The following SASH1 variants were observed in gnomAD, a reference collection of about 807,000 sequenced individuals.
The protein encoded by SASH1 is SAM and SH3 domain-containing protein 1.
SASH1 carries 44 observed loss-of-function variants against 125.2 expected under a neutral mutation model. The ratio of observed to expected loss-of-function variants is 0.35; its 90% confidence interval spans 0.28 to 0.45. The LOEUF is 0.45. Among genes scored for constraint, SASH1 ranks in the 20% least tolerant of loss-of-function variants. The pLI is 1.00. For missense variants in SASH1, 1,426 were observed against 1,614.5 expected (o/e 0.88, Z 2.00); for synonymous variants, 639 against 649.1 (o/e 0.98, Z 0.24).
rs140822511 is a variant in SASH1, at chr6:148,551,626, A to C, written c.*3068A>C. On this transcript the variant is annotated 3_prime_UTR_variant, in exon 20 of 20. Transcript: ENST00000367467. ...TTCATAACTGCAGCAAAAAAGGTCA[A>C]CTTGCCAAGTCACTGCTGCCATGTG... The C allele has an allele frequency of 6.6e-6, 1 of 152,454 alleles. No individual in the cohort carries two copies. Among genetic ancestry groups the C allele is most frequent in the South Asian group, 2.1e-4 (1 of 4,828 alleles). 9.4% of individuals were successfully genotyped at this position (152,454 alleles called of 1,614,324 possible). A position where few individuals can be genotyped will look rare whatever the true frequency, so the allele number is the denominator to read the frequency against.
intron 4 of SASH1, among the ~76,000 whole-genome samples, chr6:148,456,821 C>T (rs1328346356): frequency 6.6e-6 from 1 of 151,238 alleles, no homozygotes. Context: ...GCTATAATCA[C>T]ATCACTTCAT....
chr6:148,329,190 C>G (rs78155227), intron 1 of SASH1, among the ~76,000 whole-genome samples: 5,071 of 152,232 alleles, frequency 0.033, 137 homozygotes, highest in South Asian at 0.078. Flanking sequence ...TGAGAACATT[C>G]ATTAGATAGC....
intron 5 of SASH1, 24 bp from the exon 6 acceptor site, chr6:148,471,383 GTTCTTTTTTT>G (rs752500274): frequency 1.4e-6 from 1 of 736,272 alleles, no homozygotes; most frequent in South Asian, 2.7e-5. Context: ...TGTGCTTTTT[GTTCTTTTTTT>G]TTTTTTTTTT....
In SASH1 at chr6:148,544,552, A is replaced by G. The variant is rs774701596; in HGVS notation, c.3082A>G (p.Ser1028Gly). The G allele has an allele frequency of 1.2e-6, 2 of 1,613,150 alleles. No individual in the cohort carries two copies. Among genetic ancestry groups the G allele is most frequent in the South Asian group, 2.2e-5 (2 of 91,070 alleles). ...GCCAGTGAAAAGGGGCAGCCCCGCC[A>G]GCCCCACCAGCCCTAGCGACTGTCC... The part of the protein sequence containing the change: ...CLPVKRGSPA[S>G]PTSPSDCPPA... The change falls in exon 18 of 20, where the codon AGC becomes GGC. Residue 1028 changes from serine (S) to glycine (G), a missense_variant. Ser to Gly is a moderately conservative substitution (Grantham distance 56). This residue lies in a region of SASH1 where 634 missense variants were observed against 694.4 expected (regional missense o/e 0.91). Transcript: ENST00000367467. This position sits in a 1 kb window ranked among gnomAD's most constrained non-coding sequence, Gnocchi z 6.4.
At chr6:148,404,849 G>A (rs1784314701) in intron 2 of SASH1, among the ~76,000 whole-genome samples, 1 of 140,556 alleles carries the variant, frequency 7.1e-6, no homozygotes, top group Non-Finnish European at 1.5e-5. Flanking sequence ...TGGCCTTTCT[G>A]TTCATCTGAT....
intron 1 of SASH1, among the ~76,000 whole-genome samples, chr6:148,361,987 C>T (rs1782239199): frequency 6.8e-6 from 1 of 148,020 alleles, no homozygotes; most frequent in South Asian, 2.2e-4. Flanking sequence ...GATCTCGGCT[C>T]ACTGCAAGCT....
At chr6:148,283,008 A>G (rs1779384986) in intron 1 of SASH1, among the ~76,000 whole-genome samples, 1 of 152,194 alleles carries the variant, frequency 6.6e-6, no homozygotes, top group Non-Finnish European at 1.5e-5. Context: ...ATGTATCCCA[A>G]GGAGGAGACC....
intron 1 of SASH1, among the ~76,000 whole-genome samples, chr6:148,325,256 C>G (rs1488237526): frequency 1.5e-5 from 1 of 64,626 alleles, no homozygotes; most frequent in African/African-American, 4.9e-5. Context: ...AGGGGAAAAG[C>G]CTCTTTTGTT....
chr6:148,230,015 A>C, the SASH1 span, among the ~76,000 whole-genome samples: 1 of 152,094 alleles, frequency 6.6e-6, no homozygotes, highest in African/African-American at 2.4e-5. Context: ...CCTGGCCAGC[A>C]CTTTTATCAT....
intron 1 of SASH1, among the ~76,000 whole-genome samples, chr6:148,370,285 T>A (rs1782659132): frequency 6.6e-6 from 1 of 152,140 alleles, no homozygotes; most frequent in South Asian, 2.1e-4. Flanking sequence ...TAATTAACTA[T>A]CACTGGAGAT....
chr6:148,343,165 C>G lies in SASH1; in HGVS notation c.98C>G (p.Pro33Arg). Residue 33 changes from proline to arginine, a missense_variant, in exon 1 of 20, where the codon CCG (proline) becomes CGG (arginine). Pro to Arg is a moderately radical substitution (Grantham distance 103, BLOSUM62 -2). Coordinates refer to ENST00000367467, the MANE Select transcript of SASH1 (RefSeq NM_015278.5). ...CCGGAGCCGGAACCGGAGCCCAAGC[C>G]GGGTGCTGGCACATCCGAGGCGTTC... ...PAPEPEPEPK[P>R]GAGTSEAFSR... The G allele has an allele frequency of 1.2e-6, 2 of 1,600,366 alleles. No individual in the cohort carries two copies. The highest frequency in any genetic ancestry group is 1.7e-6 in the Non-Finnish European group (2 of 1,179,278).
rs570246204 is a variant in SASH1, at chr6:148,532,839, G to A, written c.1607G>A (p.Arg536Gln). 3.2e-5 allele frequency: 52 copies of A among 1,614,194 alleles called. 1 individual carries two copies. The South Asian group carries it at 4.0e-4, about 12-fold the overall frequency. ...ACCACTGATTCCTCAACCAGCAACC[G>A]GGAAAGCGTCAAGTCGGAAGATGGG... The part of the protein sequence containing the change: ...VSTTDSSTSN[R>Q]ESVKSEDGDD... The change falls in exon 14 of 20, where the codon CGG (arginine) becomes CAG (glutamine). Residue 536 changes from arginine (R) to glutamine (Q), a missense_variant. Arg to Gln is a conservative substitution (Grantham distance 43, BLOSUM62 1). Coordinates refer to ENST00000367467, the MANE Select transcript of SASH1 (RefSeq NM_015278.5). The surrounding 1 kb of genome is among the most constrained non-coding windows in gnomAD (Gnocchi z 4.7).
At chr6:148,484,722 C>G (rs919191068) in intron 7 of SASH1, among the ~76,000 whole-genome samples, 32 of 152,106 alleles carry the variant, frequency 2.1e-4, no homozygotes, top group Admixed American at 2.1e-3. Flanking sequence ...AGGTGGATCA[C>G]TTGAGCCCAG....
chr6:148,251,992 T>C, the SASH1 span, among the ~76,000 whole-genome samples: 2 of 152,006 alleles, frequency 1.3e-5, no homozygotes, highest in Admixed American at 6.6e-5. Context: ...ACATATTTTC[T>C]TACAGAGGAA....
At chr6:148,521,291 C>T (rs1224326813) in intron 10 of SASH1, among the ~76,000 whole-genome samples, 1 of 152,208 alleles carries the variant, frequency 6.6e-6, no homozygotes, top group Non-Finnish European at 1.5e-5. Context: ...TGGCTGTGGG[C>T]CCTTTTAAAG....
chr6:148,302,968 G>A (rs532103172), intron 1 of SASH1, among the ~76,000 whole-genome samples: 46 of 151,734 alleles, frequency 3.0e-4, no homozygotes, highest in African/African-American at 9.4e-4. Flanking sequence ...TTTAAAATTA[G>A]TTTGTTTATT....
the SASH1 span, among the ~76,000 whole-genome samples, chr6:148,207,821 C>T: frequency 2.1e-4 from 32 of 152,184 alleles, no homozygotes; most frequent in African/African-American, 5.8e-4. Flanking sequence ...TCTGCTCAGT[C>T]ATTTGTCATT....
chr6:148,399,375 G>A (rs576600931), intron 2 of SASH1, among the ~76,000 whole-genome samples: 27 of 151,862 alleles, frequency 1.8e-4, no homozygotes, highest in African/African-American at 5.8e-4. Flanking sequence ...GCAGGTGCCC[G>A]CCACCACACC....
intron 7 of SASH1, among the ~76,000 whole-genome samples, chr6:148,486,291 T>C (rs761369284): frequency 1.1e-4 from 16 of 152,070 alleles, no homozygotes; most frequent in Non-Finnish European, 2.2e-4. Flanking sequence ...CAGCTAATTT[T>C]TGTGTTTTTA....
Sources: allele counts gnomAD v4.1 joint callset (sites outside exome capture counted in the v4.1 genomes callset), GRCh38; gene constraint gnomAD v4.1.1; regional missense constraint gnomAD v4.1.1; non-coding constraint Gnocchi (gnomAD v3.1); transcripts MANE v1.5; gene names NCBI Gene and HGNC (gene_info 2026-07-23, HGNC 2026-07-21).